FGFR2: variants seen among roughly 807,000 people sequenced by gnomAD.
FGFR2 encodes fibroblast growth factor receptor 2.
FGFR2 carries 19 observed loss-of-function variants against 95.9 expected under a neutral mutation model. The ratio of observed to expected loss-of-function variants is 0.20; its 90% CI spans 0.14 to 0.29. FGFR2 has a LOEUF of 0.29. FGFR2 is among the 10% of genes least tolerant of loss of function. The pLI, the probability that FGFR2 is intolerant of heterozygous loss-of-function variation, is 1.00. For synonymous variants in FGFR2, 392 were observed against 393.3 expected, an observed-to-expected ratio of 1.00 and a Z score of 0.04; for missense variants, 707 against 1,056.9, an observed-to-expected ratio of 0.67 and a Z score of 4.59.
chr10:121,497,314 C>T (rs1847002668), intron 12 of FGFR2, among the ~76,000 whole-genome samples: 1 of 152,118 alleles, frequency 6.6e-6, no homozygotes, highest in South Asian at 2.1e-4. Context: ...TCACCTGCGC[C>T]CTCTTGGAAA....
intron 9 of FGFR2, 129 bp downstream of exon 9, chr10:121,514,988 G>C (rs1201144880): frequency 1.1e-6 from 1 of 870,536 alleles, no homozygotes; most frequent in African/African-American, 1.7e-5. Context: ...TGACCGCCAA[G>C]CATCACACCA....
intron 4 of FGFR2, among the ~76,000 whole-genome samples, chr10:121,554,649 G>A (rs1302272292): frequency 1.3e-5 from 2 of 152,126 alleles, no homozygotes; most frequent in South Asian, 2.1e-4. Flanking sequence ...GGGATTACAG[G>A]CGTGAGCTAC....
chr10:121,533,160 G>A (rs1448622307), intron 6 of FGFR2, among the ~76,000 whole-genome samples: 5 of 152,310 alleles, frequency 3.3e-5, no homozygotes, highest in South Asian at 4.2e-4. Context: ...AGGCCGAGGC[G>A]GGCGGATCAC....
At chr10:121,541,629 G>T (rs756768002) in intron 5 of FGFR2, among the ~76,000 whole-genome samples, 2 of 151,998 alleles carry the variant, frequency 1.3e-5, no homozygotes, top group Non-Finnish European at 2.9e-5. Context: ...CAGAGAAGAG[G>T]GAATGTAAAT....
rs1461605802 is a variant in FGFR2 at position 121,517,136 on chromosome 10, T to C, written c.1084+183A>G. ...TTTCCCTTGATCATAAATGTGAGTG[T>C]GGGATCTCACTGTGTGTGAATTTCC... is the stretch of plus-strand genomic sequence containing the variant. On this transcript the variant is annotated intron_variant, in intron 8 of 17. Coordinates refer to ENST00000358487, the MANE Select transcript of FGFR2 (RefSeq NM_000141.5). This position sits in a 1 kb window ranked among gnomAD's most constrained non-coding sequence, Gnocchi z 4.7. The C allele has an allele frequency of 5.8e-6, 4 of 691,404 alleles. No homozygotes were observed. The highest frequency in any genetic ancestry group is 5.4e-5 in the African/African-American group (3 of 55,764). The allele number at this position is 691,404 out of a possible 1,614,324, so 42.8% of individuals were successfully genotyped here.
chr10:121,566,318 G>A (rs3135729), intron 2 of FGFR2, among the ~76,000 whole-genome samples: 145 of 152,270 alleles, frequency 9.5e-4, no homozygotes, highest in African/African-American at 2.6e-3. Flanking sequence ...TGGGTGAGCT[G>A]AGACCTGCTG....
At chr10:121,490,255 C>T (rs1845966442) in intron 13 of FGFR2, among the ~76,000 whole-genome samples, 1 of 150,700 alleles carries the variant, frequency 6.6e-6, no homozygotes, top group Admixed American at 6.6e-5. Context: ...CCTCTGCCTC[C>T]CAGGTTCAAG....
chr10:121,577,029 G>GGAGGCT (rs977180200), intron 2 of FGFR2, among the ~76,000 whole-genome samples: 14 of 148,530 alleles, frequency 9.4e-5, no homozygotes, highest in Non-Finnish European at 1.8e-4. Context: ...CAGCTACTCG[G>GGAGGCT]GAGGCTGAGG....
intron 4 of FGFR2, among the ~76,000 whole-genome samples, chr10:121,556,199 T>G (rs1229931310): frequency 2.6e-5 from 4 of 152,206 alleles, no homozygotes; most frequent in Non-Finnish European, 5.9e-5. Context: ...GTTGCACTGA[T>G]TAAGGTCCCC....
intron 2 of FGFR2, among the ~76,000 whole-genome samples, chr10:121,590,925 T>C (rs1237739225): frequency 6.6e-6 from 1 of 152,206 alleles, no homozygotes; most frequent in Non-Finnish European, 1.5e-5. Flanking sequence ...AAAGCTATAG[T>C]AGTTCTAATC....
intron 2 of FGFR2, among the ~76,000 whole-genome samples, chr10:121,582,725 G>A (rs1265527079): frequency 6.6e-6 from 1 of 152,086 alleles, no homozygotes; most frequent in Non-Finnish European, 1.5e-5. Flanking sequence ...AGAGGTTGCA[G>A]TGATCCAAGA....
Position 121,480,397 on chromosome 10 carries a change from C to T in FGFR2, c.2302-376G>A, listed in dbSNP as rs754576555. On this transcript the variant is annotated intron_variant, in intron 17 of 17. Coordinates refer to ENST00000358487, the MANE Select transcript of FGFR2 (RefSeq NM_000141.5). Reference sequence around the variant, plus strand: ...CGGCTTCACACGGACCTAAATAACCCGCTGAGTCTACACCACCTCCTCACT... The same window carrying T: ...CGGCTTCACACGGACCTAAATAACCTGCTGAGTCTACACCACCTCCTCACT... 21 of 354,240 alleles carry T rather than the reference C, an allele frequency of 5.9e-5. 1 individual carries two copies. Among genetic ancestry groups the T allele is most frequent in the South Asian group, 4.9e-4 (14 of 28,818 alleles). The allele number at this position is 354,240 out of a possible 1,614,324, so 21.9% of individuals were successfully genotyped here.
chr10:121,565,307 G>C, intron 3 of FGFR2, 131 bp downstream of exon 3: 1 of 1,207,076 alleles, frequency 8.3e-7, no homozygotes, highest in Non-Finnish European at 1.2e-6. Context: ...TCCCAAAGAA[G>C]AATTTCAAAA....
chr10:121,524,127 CACACACACACACA>C, intron 6 of FGFR2, among the ~76,000 whole-genome samples: 1 of 148,978 alleles, frequency 6.7e-6, no homozygotes, highest in Non-Finnish European at 1.5e-5. Flanking sequence ...CACACACACA[CACACACACACACA>C]CACACACCCC....
chr10:121,480,487 G>A (rs1564844629), intron 17 of FGFR2: 1 of 267,484 alleles, frequency 3.7e-6, no homozygotes, highest in Non-Finnish European at 7.3e-6. Context: ...TGGGTCCCCA[G>A]ACCCCCTTTA....
chr10:121,582,953 C>T (rs1277252457), intron 2 of FGFR2, among the ~76,000 whole-genome samples: 1 of 152,214 alleles, frequency 6.6e-6, no homozygotes, highest in East Asian at 1.9e-4. Context: ...TTAGCTGGTA[C>T]TGGAGTTCAC....
chr10:121,554,567 T>G, intron 4 of FGFR2, among the ~76,000 whole-genome samples: 1 of 141,012 alleles, frequency 7.1e-6, no homozygotes, highest in African/African-American at 3.0e-5. Flanking sequence ...TAGCCAGGGT[T>G]TCACCGTTTT....
chr10:121,551,587 T>C (rs1855419572), intron 4 of FGFR2, 128 bp from the exon 5 acceptor site: 3 of 877,072 alleles, frequency 3.4e-6, no homozygotes, highest in African/African-American at 1.7e-5. Context: ...CTTTGGGTAA[T>C]ATTTACATTT....
At chr10:121,576,914 CATT>C (rs901232541) in intron 2 of FGFR2, among the ~76,000 whole-genome samples, 1 of 151,354 alleles carries the variant, frequency 6.6e-6, no homozygotes, top group Non-Finnish European at 1.5e-5. Flanking sequence ...GCAGGTGGAT[CATT>C]CAAGGTCAGG....
Sources: allele counts gnomAD v4.1 joint callset (sites outside exome capture counted in the v4.1 genomes callset), GRCh38; gene constraint gnomAD v4.1.1; non-coding constraint Gnocchi (gnomAD v3.1); transcripts MANE v1.5; gene names NCBI Gene and HGNC (gene_info 2026-07-23, HGNC 2026-07-21).